Variants in RGS12 observed in about 807,000 individuals in gnomAD.
RGS12 encodes the protein regulator of G-protein signaling 12.
A neutral mutation model predicts 120.1 loss-of-function variants in RGS12; 66 were observed. That is an observed-to-expected ratio of 0.55 (90% CI 0.45 to 0.67). The LOEUF (loss-of-function observed/expected upper bound fraction) is 0.67. Among genes scored for constraint, RGS12 ranks in the 30% least tolerant of loss-of-function variants. The pLI is 0.00. For missense variants in RGS12, 1,859 were observed against 1,957.7 expected, an observed-to-expected ratio of 0.95 and a Z score of 0.95; for synonymous variants, 827 against 804.7, an observed-to-expected ratio of 1.03 and a Z score of -0.47.
At chr4:3,292,369 G>T (rs1032343647), upstream of RGS12, among the ~76,000 whole-genome samples, 6 of 152,190 alleles carry the variant, frequency 3.9e-5, no homozygotes, top group Non-Finnish European at 8.8e-5. Flanking sequence ...GCTGGACGCC[G>T]CAGTCACCGC....
rs1230288886 is a variant in RGS12 at position 3,433,066 on chromosome 4, G to C, written c.4114+2111G>C. On this transcript the variant is annotated intron_variant, in intron 17 of 17. Transcript: ENST00000336727. The surrounding 1 kb of genome is among the most constrained non-coding windows in gnomAD (Gnocchi z 4.4). Reference sequence around the variant, plus strand: ...AGTTCACCTGCCCATGGCGGCAAAGGAAACAGGCTGTGAATGCCGTGGTGG... The same window carrying C: ...AGTTCACCTGCCCATGGCGGCAAAGCAAACAGGCTGTGAATGCCGTGGTGG... Among the ~76,000 whole-genome samples, 1 of 152,264 alleles carries C rather than the reference G, an allele frequency of 6.6e-6. No individual in the cohort carries two copies. The highest frequency in any genetic ancestry group is 2.4e-5 in the African/African-American group (1 of 41,472).
chr4:3,340,246 G>A (rs1298298156), intron 2 of RGS12, among the ~76,000 whole-genome samples: 2 of 152,234 alleles, frequency 1.3e-5, no homozygotes, highest in African/African-American at 4.8e-5. Flanking sequence ...GTGCTGGGCA[G>A]CAAGTTTTCA....
chr4:3,301,376 GAACAC>G (rs1004443789), intron 1 of RGS12, among the ~76,000 whole-genome samples: 5 of 150,426 alleles, frequency 3.3e-5, no homozygotes, highest in Non-Finnish European at 7.4e-5. Context: ...CAGGCCTAGT[GAACAC>G]AAAACAGTGG....
chr4:3,410,431 C>T (rs1577065197), intron 4 of RGS12, among the ~76,000 whole-genome samples: 1 of 152,110 alleles, frequency 6.6e-6, no homozygotes, highest in South Asian at 2.1e-4. Context: ...CAGGATCGGC[C>T]CCCGAGGCTG....
chr4:3,379,005 ATGTGTGTGTGTGTGTGTGTGTGTGTG>A (rs3138719), intron 3 of RGS12, among the ~76,000 whole-genome samples: 52 of 146,566 alleles, frequency 3.5e-4, no homozygotes, highest in Admixed American at 8.1e-4. Context: ...GAAATGTGCG[ATGTGTGTGTGTGTGTGTGTGTGTGTG>A]TGTGTGTGTG....
At chr4:3,436,533 C>G (rs912769043) in intron 17 of RGS12, among the ~76,000 whole-genome samples, 2 of 152,184 alleles carry the variant, frequency 1.3e-5, no homozygotes, top group Non-Finnish European at 1.5e-5. Context: ...GGTGCCAGGC[C>G]TGGGTCTCGA....
At chr4:3,314,734 C>T (rs1724624903) in intron 1 of RGS12, 1 of 152,166 alleles carries the variant, frequency 6.6e-6, no homozygotes, top group Admixed American at 6.5e-5. Context: ...AAAAACATAC[C>T]CTCTATTCTA....
chr4:3,290,747 T>C (rs1722986243), upstream of RGS12, among the ~76,000 whole-genome samples: 1 of 152,240 alleles, frequency 6.6e-6, no homozygotes. Flanking sequence ...CCTGCCAGTC[T>C]GGGCCCAAGA....
In RGS12 at chr4:3,439,762, G is replaced by A; in HGVS notation, c.*78G>A. The A allele has an allele frequency of 1.5e-6, 2 of 1,308,724 alleles. No individual in the cohort carries two copies. The highest frequency in any genetic ancestry group is 2.0e-6 in the Non-Finnish European group (2 of 979,158). The allele number at this position is 1,308,724 out of a possible 1,614,324, so 81.1% of individuals were successfully genotyped here. A position where few individuals can be genotyped will look rare whatever the true frequency, so the allele number is the denominator to read the frequency against. ...AGGTGGATTCTGTGGGCCTCAGGGG[G>A]GCCACCCTGGCCACCACACCCTCAG... On this transcript the variant is annotated 3_prime_UTR_variant, in exon 18 of 18. Coordinates refer to ENST00000336727, the MANE Select transcript of RGS12 (RefSeq NM_001394154.1).
At chr4:3,308,048 G>A (rs1219560429) in intron 1 of RGS12, among the ~76,000 whole-genome samples, 1 of 152,240 alleles carries the variant, frequency 6.6e-6, no homozygotes, top group Non-Finnish European at 1.5e-5. Context: ...TTGGAGTGGT[G>A]CCTTGGTGAG....
At position 3,419,020 on chromosome 4, in the gene RGS12, C is replaced by CAAAAAAA. The variant is rs1275310231; in HGVS notation, c.2761+1496_2761+1502dup. 1.7e-4 allele frequency: 11 copies of CAAAAAAA among 64,064 alleles called. 1 individual carries two copies. The highest frequency in any genetic ancestry group is 5.4e-4 in the South Asian group (1 of 1,846). 4.0% of individuals were successfully genotyped at this position (64,064 alleles called of 1,614,324 possible). ...ACATGGTAAGGCTCTACTAAAAATC[C>CAAAAAAA]AAAAAAAAAAAAAAAAAAAAAAATT... On this transcript the variant is annotated intron_variant, in intron 9 of 17. Transcript: ENST00000336727.
chr4:3,316,488 C>T lies in RGS12; in HGVS notation c.318C>T (p.Ser106=). Residue 106 remains serine, a synonymous_variant, in exon 2 of 18, where the codon TCC becomes TCT. Transcript: ENST00000336727. The part of the protein sequence containing the change: ...AEGVGRFESC[S]SDEEGGLYEG... ...GCGTCGGCCGCTTCGAATCCTGTTC[C>T]AGTGATGAAGAAGGGGGACTCTATG... The T allele has an allele frequency of 1.9e-6, 3 of 1,614,168 alleles. No homozygotes were observed. Among genetic ancestry groups the T allele is most frequent in the South Asian group, 2.2e-5 (2 of 91,078 alleles).
rs559096920 is a variant in RGS12 at position 3,414,031 on chromosome 4, G to A, written c.2021-41G>A. 32 of 1,494,920 alleles carry A rather than the reference G, an allele frequency of 2.1e-5. No individual in the cohort carries two copies. In the East Asian group the frequency reaches 2.7e-4, roughly 12 times the overall value. 92.6% of individuals were successfully genotyped at this position (1,494,920 alleles called of 1,614,324 possible). On this transcript the variant is annotated intron_variant, in intron 4 of 17. Coordinates refer to ENST00000336727, the MANE Select transcript of RGS12 (RefSeq NM_001394154.1). ...GGCAGAGCAGTCACTGGGCCGGGGC[G>A]GAGGGCAGGGGTGCAGGTGCTGTCT... is the stretch of plus-strand genomic sequence containing the variant.
intron 4 of RGS12, among the ~76,000 whole-genome samples, chr4:3,404,642 G>A (rs568946721): frequency 1.4e-4 from 21 of 152,354 alleles, no homozygotes; most frequent in African/African-American, 3.8e-4. Flanking sequence ...CATTGGAGGC[G>A]TCAGTATGAA....
chr4:3,382,019 G>A (rs1371746463), intron 3 of RGS12, among the ~76,000 whole-genome samples: 2 of 152,178 alleles, frequency 1.3e-5, no homozygotes. Context: ...ACACCACAAA[G>A]TTTTATTTGT....
At chr4:3,343,961 T>C (rs1713530334) in intron 3 of RGS12, among the ~76,000 whole-genome samples, 1 of 152,270 alleles carries the variant, frequency 6.6e-6, no homozygotes, top group Non-Finnish European at 1.5e-5. Flanking sequence ...TATGAGTATA[T>C]GACGATGATT....
intron 17 of RGS12, among the ~76,000 whole-genome samples, chr4:3,435,986 A>T (rs997097306): frequency 4.2e-5 from 6 of 141,396 alleles, no homozygotes; most frequent in African/African-American, 1.3e-4. Flanking sequence ...CCTATTCCCC[A>T]CTCACCACAC....
intron 4 of RGS12, among the ~76,000 whole-genome samples, chr4:3,397,122 A>G (rs1720119206): frequency 6.6e-6 from 1 of 152,230 alleles, no homozygotes; most frequent in Non-Finnish European, 1.5e-5. Context: ...AGGCTAATGC[A>G]TCACCCTCAA....
In RGS12 at chr4:3,316,219, C is replaced by T. The variant is rs1367688518; in HGVS notation, c.49C>T (p.Pro17Ser). Residue 17 changes from proline to serine, a missense_variant, in exon 2 of 18, where the codon CCC becomes TCC. Physicochemically the swap from Pro to Ser is moderately conservative, Grantham distance 74. Around this residue, in one of 3 missense-constraint regions of RGS12, gnomAD observed 967 missense variants for 994.2 expected, o/e 0.97. Transcript: ENST00000336727. ...ASKRPLPGPSPPRVRSVEVAR... is the reference protein window; with the variant it reads ...ASKRPLPGPSSPRVRSVEVAR... The stretch of plus-strand genomic sequence containing the variant: ...CAAACGCCCATTGCCTGGGCCGTCG[C>T]CCCCAAGGGTGCGGAGTGTGGAGGT... The T allele has an allele frequency of 1.9e-6, 3 of 1,605,672 alleles. No homozygotes were observed. The highest frequency in any genetic ancestry group is 2.2e-5 in the East Asian group (1 of 44,720).
Sources: gnomAD v4.1 joint callset for allele counts (sites outside exome capture counted in the v4.1 genomes callset) on GRCh38, gnomAD v4.1.1 for gene constraint, gnomAD v4.1.1 regional missense constraint, Gnocchi (gnomAD v3.1) non-coding constraint, MANE v1.5 for transcripts, NCBI Gene and HGNC (gene_info 2026-07-23, HGNC 2026-07-21) for gene names.